HEPH: variants seen among roughly 807,000 people sequenced by gnomAD.
HEPH encodes the protein hephaestin.
Under a neutral mutation model 80.8 loss-of-function variants are expected in HEPH, and 69 were observed. The observed-to-expected ratio is 0.85, with a 90% CI of 0.70 to 1.04. The LOEUF (loss-of-function observed/expected upper bound fraction) is 1.04. Among genes scored for constraint, HEPH ranks in the 50% least tolerant of loss-of-function variants. The pLI, the probability that HEPH is intolerant of heterozygous loss-of-function variation, is 0.00. For synonymous variants in HEPH, 431 were observed against 322.8 expected (o/e 1.34, Z -3.60); for missense variants, 1,115 against 891.3 (o/e 1.25, Z -3.20).
Position 66,258,846 on chromosome X carries a change from A to G in HEPH, c.2903A>G (p.Asn968Ser). 1 of 1,150,687 alleles carries G rather than the reference A, an allele frequency of 8.7e-7. No homozygotes were observed. The highest frequency in any genetic ancestry group is 1.2e-6 in the Non-Finnish European group (1 of 868,443). The allele number at this position is 1,150,687 out of a possible 1,213,427, so 94.8% of individuals were successfully genotyped here. A position where few individuals can be genotyped will look rare whatever the true frequency, so the allele number is the denominator to read the frequency against. The change falls in exon 18 of 21, where the codon AAT becomes AGT. Residue 968 changes from asparagine to serine, a missense_variant. Coordinates refer to ENST00000343002, the MANE Select transcript of HEPH (RefSeq NM_001367233.3). ...FLESNKMHAI[N>S]GKLYANLRGL... ...TTTTCTTTTTTTTTGACAGCAATCAATGGGAAACTCTATGCCAACCTTAGG... is the reference window on the plus strand; with the variant it reads ...TTTTCTTTTTTTTTGACAGCAATCAGTGGGAAACTCTATGCCAACCTTAGG...
chrX:66,187,174 C>A (rs187292941), intron 4 of HEPH, among the ~76,000 whole-genome samples: 2 of 110,725 alleles, frequency 1.8e-5, no homozygotes, highest in Non-Finnish European at 3.8e-5. Flanking sequence ...TTATTATTTC[C>A]TTTCACTGGG....
At chrX:66,250,245 C>T (rs1008971489) in intron 15 of HEPH, among the ~76,000 whole-genome samples, 1 of 111,460 alleles carries the variant, frequency 9.0e-6, no homozygotes, top group Non-Finnish European at 1.9e-5. Flanking sequence ...TTCAATACAG[C>T]TTTGTTGATT....
intron 19 of HEPH, 143 bp from the exon 20 acceptor site, chrX:66,263,501 T>A: frequency 1.8e-6 from 1 of 545,839 alleles, no homozygotes; most frequent in Non-Finnish European, 3.1e-6. Flanking sequence ...TGACTTGGAC[T>A]ATAAAGTAGT....
At chrX:66,182,034 G>A (rs1416422105) in intron 4 of HEPH, among the ~76,000 whole-genome samples, 1 of 106,583 alleles carries the variant, frequency 9.4e-6, no homozygotes, top group Non-Finnish European at 1.9e-5. Flanking sequence ...ATTTCTGAGG[G>A]CTCTGTTCTG....
At chrX:66,167,662 G>A (rs1316144796) in intron 1 of HEPH, among the ~76,000 whole-genome samples, 12 of 112,001 alleles carry the variant, frequency 1.1e-4, no homozygotes, top group Admixed American at 1.9e-4. Flanking sequence ...ATGTGAGTAC[G>A]CCTGTGTTTC....
intron 1 of HEPH, 162 bp from the exon 2 acceptor site, chrX:66,170,396 T>C (rs2086542762): frequency 7.2e-6 from 3 of 417,793 alleles, no homozygotes; most frequent in Non-Finnish European, 1.2e-5. Context: ...TGAAAACTTA[T>C]TGAATTAAAA....
intron 15 of HEPH, among the ~76,000 whole-genome samples, chrX:66,237,805 C>T (rs1167779680): frequency 8.9e-6 from 1 of 112,058 alleles, no homozygotes; most frequent in African/African-American, 3.2e-5. Context: ...TCTGTGTGCT[C>T]TTGTGTTGGA....
intron 15 of HEPH, among the ~76,000 whole-genome samples, chrX:66,210,621 G>A (rs2089062022): frequency 9.0e-6 from 1 of 111,402 alleles, no homozygotes; most frequent in African/African-American, 3.3e-5. Flanking sequence ...TAAGAGAGAA[G>A]GGATACATTG....
chrX:66,265,511 A>G (rs1346600138), intron 20 of HEPH, among the ~76,000 whole-genome samples: 1 of 111,146 alleles, frequency 9.0e-6, no homozygotes, highest in Non-Finnish European at 1.9e-5. Flanking sequence ...TGAGGTTTAG[A>G]TGGGAAGTGA....
At chrX:66,190,347 A>G (rs2087724936) in intron 6 of HEPH, among the ~76,000 whole-genome samples, 1 of 111,439 alleles carries the variant, frequency 9.0e-6, no homozygotes, top group Non-Finnish European at 1.9e-5. Context: ...TATTGTGGGT[A>G]CATAGTTACA....
chrX:66,162,706 A>C (rs1371000421), upstream of HEPH: 3 of 1,154,419 alleles, frequency 2.6e-6, no homozygotes, highest in East Asian at 9.8e-5. Context: ...GTCTGAGCAC[A>C]CTTAAGAATC....
At chrX:66,200,371 T>A (rs996959970) in intron 11 of HEPH, 169 bp from the exon 12 acceptor site, 3 of 444,983 alleles carry the variant, frequency 6.7e-6, no homozygotes, top group Non-Finnish European at 1.2e-5. Context: ...GACAGAGATA[T>A]TCACGAGTAG....
chrX:66,200,789 G>C (rs945415807), intron 12 of HEPH, 37 bp downstream of exon 12: 11 of 1,089,952 alleles, frequency 1.0e-5, no homozygotes, highest in African/African-American at 1.8e-5. Flanking sequence ...AGGCTTTGTT[G>C]GGTATAGGGC....
intron 15 of HEPH, among the ~76,000 whole-genome samples, chrX:66,209,981 A>G (rs992360678): frequency 2.7e-5 from 3 of 111,768 alleles, no homozygotes; most frequent in Admixed American, 1.9e-4. Flanking sequence ...TGTGGGAAGC[A>G]TCAACATCTA....
intron 15 of HEPH, among the ~76,000 whole-genome samples, chrX:66,252,523 T>C (rs2091038612): frequency 9.0e-6 from 1 of 111,207 alleles, no homozygotes; most frequent in Admixed American, 9.6e-5. Flanking sequence ...AGTTAGAGAG[T>C]GCTTAGCTGA....
intron 15 of HEPH, among the ~76,000 whole-genome samples, chrX:66,221,289 T>C (rs2089634917): frequency 8.9e-6 from 1 of 112,106 alleles, no homozygotes; most frequent in African/African-American, 3.2e-5. Flanking sequence ...CTCTACACAG[T>C]TATGCTTGAC....
intron 19 of HEPH, among the ~76,000 whole-genome samples, chrX:66,260,479 C>T (rs79736601): frequency 7.2e-5 from 8 of 111,254 alleles, no homozygotes; most frequent in Admixed American, 1.9e-4. Flanking sequence ...ATTTCTAATC[C>T]CCTGACACCT....
Position 66,231,686 on chromosome X carries a change from G to A in HEPH, c.2564-23349G>A, listed in dbSNP as rs1417358041. Among the ~76,000 whole-genome samples, 84 of 108,928 alleles carry A rather than the reference G, an allele frequency of 7.7e-4. 2 individuals carry two copies. The highest frequency in any genetic ancestry group is 1.5e-3 in the African/African-American group (46 of 29,813). 94.6% of individuals were successfully genotyped at this position (108,928 alleles called of 115,157 possible). On this transcript the variant is annotated intron_variant, in intron 15 of 20. Coordinates refer to ENST00000343002, the MANE Select transcript of HEPH (RefSeq NM_001367233.3). ...CTTAAGGAGATTTTGGGCTGAGACA[G>A]TGGGGTTTTCTAGATATACAATCAT...
In HEPH at chrX:66,258,910, C is replaced by G; in HGVS notation, c.2967C>G (p.Tyr989Ter). Residue 989 changes from tyrosine (Y) to a stop codon, truncating the protein, a stop_gained, in exon 18 of 21, where the codon TAC becomes TAG. Transcript: ENST00000343002. LOFTEE classifies it high-confidence loss of function. Reference protein sequence around the residue: ...TMYQGERVAWYMLAMGQDVDL... With the variant: ...TMYQGERVAW ...ACCAAGGAGAACGAGTGGCCTGGTA[C>G]ATGCTGGCCATGGGCCAAGATGTGG... 1 of 1,177,703 alleles carries G rather than the reference C, an allele frequency of 8.5e-7. No individual in the cohort carries two copies. The highest frequency in any genetic ancestry group is 1.1e-6 in the Non-Finnish European group (1 of 877,317).
Sources: gnomAD v4.1 joint callset for allele counts (sites outside exome capture counted in the v4.1 genomes callset) on GRCh38, gnomAD v4.1.1 for gene constraint, MANE v1.5 for transcripts, NCBI Gene and HGNC (gene_info 2026-07-23, HGNC 2026-07-21) for gene names.